Variants in ATP13A4 observed in about 807,000 individuals in gnomAD.
ATP13A4 encodes ATPase 13A4.
In ATP13A4, 114 loss-of-function variants were observed where a neutral mutation model predicts 142.5. That is an observed-to-expected ratio of 0.80 (90% CI 0.69 to 0.93). The LOEUF (loss-of-function observed/expected upper bound fraction) is 0.93, where lower values mean the gene tolerates loss of function less well. ATP13A4 is among the 40% of genes least tolerant of loss of function. The pLI is 0.00. For missense variants in ATP13A4, 1,392 were observed against 1,454.0 expected (o/e 0.96, Z 0.69); for synonymous variants, 488 against 514.8 (o/e 0.95, Z 0.70).
At chr3:193,568,777 C>G (rs1165475341) in intron 2 of ATP13A4, among the ~76,000 whole-genome samples, 3 of 152,006 alleles carry the variant, frequency 2.0e-5, no homozygotes, top group East Asian at 1.9e-4. Context: ...GAGGATGGGT[C>G]AAATGGGTAC....
At chr3:193,497,905 A>T (rs1720332593) in intron 3 of ATP13A4, among the ~76,000 whole-genome samples, 1 of 152,158 alleles carries the variant, frequency 6.6e-6, no homozygotes, top group African/African-American at 2.4e-5. Flanking sequence ...TGGCTATCCG[A>T]GGTTGGGGGG....
intron 2 of ATP13A4, among the ~76,000 whole-genome samples, chr3:193,581,437 C>T (rs56002867): frequency 0.067 from 10,260 of 152,138 alleles, 407 homozygotes; most frequent in Non-Finnish European, 0.088. Flanking sequence ...TGTCACTGAA[C>T]GCAGAGTTAG....
Position 193,493,010 on chromosome 3 carries a change from T to C in ATP13A4, c.453-13A>G. The C allele has an allele frequency of 1.2e-6, 2 of 1,605,024 alleles. No individual in the cohort carries two copies. The highest frequency in any genetic ancestry group is 1.7e-6 in the Non-Finnish European group (2 of 1,172,524). On this transcript the variant is annotated splice_polypyrimidine_tract_variant and intron_variant, in intron 4 of 29. Coordinates refer to ENST00000342695, the MANE Select transcript of ATP13A4 (RefSeq NM_032279.4). Reference sequence around the variant, plus strand: ...GTCTTCCAAAGAACTAAAATAATAATAATGAAAAGAACATATTTAGCAATA... The same window carrying C: ...GTCTTCCAAAGAACTAAAATAATAACAATGAAAAGAACATATTTAGCAATA...
rs375587884 is a variant in ATP13A4, at chr3:193,514,665, G to A, written c.234+33C>T. ...AACACATTGTCCAGAAACAAAAGGG[G>A]GGCACCAGCGACATAACCAGGTACA... is the stretch of plus-strand genomic sequence containing the variant. On this transcript the variant is annotated intron_variant, in intron 2 of 29. Coordinates refer to ENST00000342695, the MANE Select transcript of ATP13A4 (RefSeq NM_032279.4). The A allele has an allele frequency of 2.5e-6, 4 of 1,613,640 alleles. No individual in the cohort carries two copies. In the South Asian group the frequency reaches 4.4e-5, roughly 18 times the overall value.
chr3:193,554,054 TAC>T (rs1397850550), intron 1 of ATP13A4, among the ~76,000 whole-genome samples: 1 of 152,200 alleles, frequency 6.6e-6, no homozygotes, highest in Non-Finnish European at 1.5e-5. Context: ...AATTGAGAAA[TAC>T]AGTTTTAAAT....
intron 1 of ATP13A4, among the ~76,000 whole-genome samples, chr3:193,516,540 G>C (rs140857308): frequency 6.6e-6 from 1 of 152,302 alleles, no homozygotes; most frequent in African/African-American, 2.4e-5. Flanking sequence ...ATCCCACACA[G>C]AGCAGTGCCC....
intron 25 of ATP13A4, among the ~76,000 whole-genome samples, chr3:193,424,463 G>T (rs1206822506): frequency 2.0e-5 from 3 of 149,542 alleles, no homozygotes; most frequent in African/African-American, 7.4e-5. Context: ...AAAACAGCTT[G>T]GTATTGGTAT....
intron 17 of ATP13A4, among the ~76,000 whole-genome samples, chr3:193,451,123 T>C (rs952339296): frequency 6.6e-5 from 10 of 152,180 alleles, no homozygotes; most frequent in Admixed American, 2.6e-4. Context: ...TCTGGGTCTC[T>C]TCTTCAGCCT....
Position 193,442,465 on chromosome 3 carries a change from G to C in ATP13A4, c.2244C>G (p.Thr748=). Residue 748 remains threonine, a synonymous_variant, in exon 19 of 30, where the codon ACC becomes ACG. Transcript: ENST00000342695. ...ATATAGATGCTGATGAGGACCCGGT[G>C]GTTTCATTTGCCTCAATGAGAATGA... ...QKVILIEANE[T]TGSSSASISW... 1 of 1,613,940 alleles carries C rather than the reference G, an allele frequency of 6.2e-7. No individual in the cohort carries two copies. Among genetic ancestry groups the C allele is most frequent in the Non-Finnish European group, 8.5e-7 (1 of 1,179,848 alleles).
chr3:193,492,583 A>ACTTTGTATG (rs1720001126), intron 5 of ATP13A4, among the ~76,000 whole-genome samples: 2 of 152,174 alleles, frequency 1.3e-5, no homozygotes, highest in Admixed American at 1.3e-4. Context: ...TGGAGTAGAA[A>ACTTTGTATG]GAGCATTACA....
chr3:193,589,164 A>C (rs903249422), intron 1 of ATP13A4, among the ~76,000 whole-genome samples: 2 of 150,830 alleles, frequency 1.3e-5, no homozygotes, highest in African/African-American at 4.9e-5. Flanking sequence ...AACAAACAAA[A>C]ACCAAATATA....
At chr3:193,487,125 G>GGA (rs1270391291) in intron 7 of ATP13A4, among the ~76,000 whole-genome samples, 1 of 152,158 alleles carries the variant, frequency 6.6e-6, no homozygotes, top group African/African-American at 2.4e-5. Context: ...AAGAGCAACT[G>GGA]GAGAGGATGG....
chr3:193,454,051 T>C (rs544722825), intron 17 of ATP13A4, 50 bp downstream of exon 17: 9 of 1,484,390 alleles, frequency 6.1e-6, no homozygotes, highest in Non-Finnish European at 8.5e-6. Flanking sequence ...TCCAACCTGG[T>C]ACATCTTTCC....
At chr3:193,447,440 T>C (rs1280191421) in intron 18 of ATP13A4, among the ~76,000 whole-genome samples, 2 of 152,154 alleles carry the variant, frequency 1.3e-5, no homozygotes, top group African/African-American at 4.8e-5. Flanking sequence ...AGAAAATGCG[T>C]GCTTTGATGG....
At chr3:193,572,741 C>T (rs1258132709) in intron 2 of ATP13A4, among the ~76,000 whole-genome samples, 1 of 151,932 alleles carries the variant, frequency 6.6e-6, no homozygotes, top group East Asian at 1.9e-4. Flanking sequence ...CTGAGTGGTC[C>T]CTGAAGACGT....
At chr3:193,530,210 G>A (rs1047097912) in intron 1 of ATP13A4, among the ~76,000 whole-genome samples, 2 of 150,802 alleles carry the variant, frequency 1.3e-5, no homozygotes, top group African/African-American at 2.4e-5. Flanking sequence ...TTTTTTTTTC[G>A]GTTTTTGTTT....
chr3:193,534,769 C>T (rs1722504397), intron 1 of ATP13A4, among the ~76,000 whole-genome samples: 1 of 151,928 alleles, frequency 6.6e-6, no homozygotes, highest in African/African-American at 2.4e-5. Context: ...TCATTGGAAT[C>T]CTAGAAGGAG....
intron 2 of ATP13A4, among the ~76,000 whole-genome samples, chr3:193,512,631 G>A (rs1306165961): frequency 6.6e-6 from 1 of 152,132 alleles, no homozygotes; most frequent in Non-Finnish European, 1.5e-5. Context: ...CAAATCTAAT[G>A]AACTAGAATC....
At chr3:193,520,784 C>T (rs1466806745) in intron 1 of ATP13A4, among the ~76,000 whole-genome samples, 1 of 152,172 alleles carries the variant, frequency 6.6e-6, no homozygotes, top group Non-Finnish European at 1.5e-5. Flanking sequence ...ACAATGTTTA[C>T]GTCCATTCAG....
Sources: gnomAD v4.1 joint callset for allele counts (sites outside exome capture counted in the v4.1 genomes callset) on GRCh38, gnomAD v4.1.1 for gene constraint, MANE v1.5 for transcripts, NCBI Gene and HGNC (gene_info 2026-07-23, HGNC 2026-07-21) for gene names.